RAPGEF5: variants seen among roughly 807,000 people sequenced by gnomAD.
The protein encoded by RAPGEF5 is M-Ras-regulated GEF.
A neutral mutation model predicts 125.2 loss-of-function variants in RAPGEF5; 65 were observed. That is an observed-to-expected ratio of 0.52 (90% CI 0.43 to 0.64). The LOEUF is 0.64. RAPGEF5 is among the 30% of genes least tolerant of loss of function. The pLI is 0.00. For missense variants in RAPGEF5, 958 were observed against 1,048.1 expected (o/e 0.91, Z 1.19); for synonymous variants, 391 against 385.9 (o/e 1.01, Z -0.16).
intron 5 of RAPGEF5, among the ~76,000 whole-genome samples, chr7:22,296,381 A>G (rs1466492332): frequency 6.6e-6 from 1 of 152,146 alleles, no homozygotes. Flanking sequence ...GTCAGTCAGG[A>G]GGCAGAGGAC....
intron 6 of RAPGEF5, among the ~76,000 whole-genome samples, chr7:22,274,840 T>C (rs1461938940): frequency 2.0e-5 from 3 of 152,190 alleles, no homozygotes; most frequent in East Asian, 3.8e-4. Context: ...TCCTAAAATA[T>C]AAATTTTATA....
intron 9 of RAPGEF5, among the ~76,000 whole-genome samples, chr7:22,204,460 G>T (rs913262298): frequency 1.3e-5 from 2 of 152,196 alleles, no homozygotes; most frequent in Non-Finnish European, 2.9e-5. Flanking sequence ...ATGCTTGTGT[G>T]TGTGTGCACG....
intron 1 of RAPGEF5, among the ~76,000 whole-genome samples, chr7:22,351,646 G>A (rs1339838645): frequency 6.6e-6 from 1 of 152,146 alleles, no homozygotes; most frequent in Non-Finnish European, 1.5e-5. Context: ...GTTTATATCA[G>A]AATATGCATG....
chr7:22,141,831 A>G (rs553481786), intron 20 of RAPGEF5, among the ~76,000 whole-genome samples: 1 of 152,218 alleles, frequency 6.6e-6, no homozygotes, highest in Non-Finnish European at 1.5e-5. Flanking sequence ...GTTTTTTGCC[A>G]ACTTTCTCCT....
At chr7:22,345,947 A>G (rs1784216357) in intron 1 of RAPGEF5, among the ~76,000 whole-genome samples, 1 of 152,122 alleles carries the variant, frequency 6.6e-6, no homozygotes, top group South Asian at 2.1e-4. Flanking sequence ...CAGATTCTTG[A>G]TTTAATTAGA....
At chr7:22,193,519 T>C (rs1413051599) in intron 10 of RAPGEF5, 64 bp from the exon 11 acceptor site, 1 of 1,553,512 alleles carries the variant, frequency 6.4e-7, no homozygotes, top group East Asian at 2.4e-5. Context: ...GCTGCTCCAT[T>C]CATCGTCCTC....
At chr7:22,339,902 G>C (rs1435817709) in intron 1 of RAPGEF5, among the ~76,000 whole-genome samples, 1 of 152,164 alleles carries the variant, frequency 6.6e-6, no homozygotes, top group Non-Finnish European at 1.5e-5. Context: ...CAACACATTT[G>C]TAACTCTCCA....
At chr7:22,347,123 A>C (rs1267560000) in intron 1 of RAPGEF5, among the ~76,000 whole-genome samples, 1 of 152,102 alleles carries the variant, frequency 6.6e-6, no homozygotes, top group African/African-American at 2.4e-5. Context: ...ACACATATAT[A>C]TATTTTAACC....
intron 7 of RAPGEF5, among the ~76,000 whole-genome samples, chr7:22,252,214 A>T (rs1003655745): frequency 6.6e-6 from 1 of 152,222 alleles, no homozygotes; most frequent in African/African-American, 2.4e-5. Flanking sequence ...AGAGCTTAAA[A>T]TCATTGTCCT....
intron 1 of RAPGEF5, among the ~76,000 whole-genome samples, chr7:22,323,253 G>A (rs1292630709): frequency 1.3e-5 from 2 of 152,138 alleles, no homozygotes; most frequent in African/African-American, 4.8e-5. Flanking sequence ...TTGTTAAAGG[G>A]CACTATTCTA....
intron 18 of RAPGEF5, 35 bp downstream of exon 18, chr7:22,150,372 C>T (rs2128107085): frequency 2.5e-6 from 4 of 1,588,480 alleles, no homozygotes; most frequent in South Asian, 2.3e-5. Flanking sequence ...CTCGCCTGGC[C>T]TGTTTGTTTC....
At chr7:22,346,530 A>G (rs1249083881) in intron 1 of RAPGEF5, among the ~76,000 whole-genome samples, 2 of 152,176 alleles carry the variant, frequency 1.3e-5, no homozygotes, top group Non-Finnish European at 2.9e-5. Flanking sequence ...CACTTCCCTC[A>G]ACAGTAATGA....
At chr7:22,237,980 G>A (rs1348571280) in intron 7 of RAPGEF5, among the ~76,000 whole-genome samples, 1 of 152,154 alleles carries the variant, frequency 6.6e-6, no homozygotes, top group East Asian at 1.9e-4. Context: ...ATTCTGATAG[G>A]TAAATGAGAA....
intron 24 of RAPGEF5, among the ~76,000 whole-genome samples, chr7:22,129,583 G>A (rs1782851779): frequency 6.6e-6 from 1 of 152,182 alleles, no homozygotes; most frequent in Non-Finnish European, 1.5e-5. Context: ...AGTGCCCTGT[G>A]ATCTTCAGAA....
chr7:22,304,647 T>C (rs1308849839), intron 5 of RAPGEF5, among the ~76,000 whole-genome samples: 1 of 152,140 alleles, frequency 6.6e-6, no homozygotes, highest in Non-Finnish European at 1.5e-5. Flanking sequence ...AATCTGGGCA[T>C]GCACATGGGA....
chr7:22,221,131 A>T lies in RAPGEF5; in HGVS notation c.871-1140T>A, dbSNP rs566645996. On this transcript the variant is annotated intron_variant, in intron 8 of 25. Transcript: ENST00000665637. Reference sequence around the variant, plus strand: ...AAATTTCTGACGTGGCCCACATCACAGACTCCTAGAGGACAGCAAGTGGAA... The same window carrying T: ...AAATTTCTGACGTGGCCCACATCACTGACTCCTAGAGGACAGCAAGTGGAA... 5.9e-5 allele frequency among the ~76,000 whole-genome samples: 9 copies of T among 152,308 alleles called. No homozygotes were observed. The South Asian group carries it at 1.9e-3, about 32-fold the overall frequency.
chr7:22,201,507 G>A (rs1772273237), intron 9 of RAPGEF5, among the ~76,000 whole-genome samples: 2 of 152,248 alleles, frequency 1.3e-5, no homozygotes, highest in African/African-American at 4.8e-5. Context: ...TATTGGTCAT[G>A]TATTTCTTCT....
intron 11 of RAPGEF5, 162 bp downstream of exon 11, chr7:22,193,205 G>T: frequency 1.4e-6 from 1 of 736,850 alleles, no homozygotes; most frequent in Non-Finnish European, 2.2e-6. Context: ...TCCATTTATT[G>T]GATTTAAACA....
intron 2 of RAPGEF5, among the ~76,000 whole-genome samples, chr7:22,315,824 C>G (rs758042069): frequency 1.3e-5 from 2 of 151,858 alleles, no homozygotes; most frequent in South Asian, 2.1e-4. Context: ...TATATCAATA[C>G]AGCAAATTGA....
Sources: allele counts gnomAD v4.1 joint callset (sites outside exome capture counted in the v4.1 genomes callset), GRCh38; gene constraint gnomAD v4.1.1; transcripts MANE v1.5; gene names NCBI Gene and HGNC (gene_info 2026-07-23, HGNC 2026-07-21).